The following GPAA1 variants were observed in gnomAD, a reference collection of about 807,000 sequenced individuals.
The protein encoded by GPAA1 is GPI-anchor transamidase component GPAA1.
A neutral mutation model predicts 64.0 loss-of-function variants in GPAA1; 54 were observed. That is an observed-to-expected ratio of 0.84 (90% CI 0.68 to 1.06). GPAA1 has a LOEUF of 1.06. Ranked by LOEUF, GPAA1 falls within the 50% of genes least tolerant of loss-of-function variation. The probability of loss-of-function intolerance (pLI) is 0.00; values close to 1 mark genes in which losing one functional copy is unlikely to be tolerated. For missense variants in GPAA1, 780 were observed against 822.3 expected (o/e 0.95, Z 0.63); for synonymous variants, 393 against 377.3 (o/e 1.04, Z -0.48).
At chr8:144,083,554 T>A in intron 3 of GPAA1, 54 bp downstream of exon 3, 1 of 1,486,966 alleles carries the variant, frequency 6.7e-7, no homozygotes, top group South Asian at 1.1e-5. Flanking sequence ...GAGGGAGGGG[T>A]CTGGGCTGGG....
chr8:144,085,873 T>C lies in GPAA1; in HGVS notation c.1623-9T>C. The C allele has an allele frequency of 6.2e-7, 1 of 1,602,356 alleles. No homozygotes were observed. Reference sequence around the variant, plus strand: ...ATGGAGCCTACCTTGATGTTGCTTCTCCACCCAGGACCCTCTATGCTGCCC... The same window carrying C: ...ATGGAGCCTACCTTGATGTTGCTTCCCCACCCAGGACCCTCTATGCTGCCC... On this transcript the variant is annotated splice_polypyrimidine_tract_variant and intron_variant, in intron 11 of 11. Coordinates refer to ENST00000355091, the MANE Select transcript of GPAA1 (RefSeq NM_003801.4).
In GPAA1 at chr8:144,085,930, C is replaced by A. The variant is rs1451627398; in HGVS notation, c.1671C>A (p.Leu557=). 1.2e-6 allele frequency: 2 copies of A among 1,610,230 alleles called. No homozygotes were observed. Among genetic ancestry groups the A allele is most frequent in the Non-Finnish European group, 1.7e-6 (2 of 1,179,856 alleles). ...LLVLTSPAAT[L]LGSLFLWREL... ...TGCTGACCAGCCCGGCAGCCACGCT[C>A]CTTGGCAGCCTGTTCCTGTGGCGGG... The change falls in exon 12 of 12, where the codon CTC becomes CTA. Residue 557 remains leucine, a synonymous_variant. Coordinates refer to ENST00000355091, the MANE Select transcript of GPAA1 (RefSeq NM_003801.4).
Position 144,085,312 on chromosome 8 carries a change from G to T in GPAA1, c.1284G>T (p.Val428=). The change falls in exon 10 of 12, where the codon GTG becomes GTT. Residue 428 remains valine, a synonymous_variant. Coordinates refer to ENST00000355091, the MANE Select transcript of GPAA1 (RefSeq NM_003801.4). The stretch of plus-strand genomic sequence containing the variant: ...AGGGTGTGGGGCTGGCCTCGCTCGT[G>T]GCACCTCTGCTGATCTCACAGGCCA... ...PSQGVGLASL[V]APLLISQAMG... 6.2e-7 allele frequency: 1 copy of T among 1,606,976 alleles called. No individual in the cohort carries two copies.
chr8:144,085,936 C>T lies in GPAA1; in HGVS notation c.1677C>T (p.Gly559=). The T allele has an allele frequency of 6.2e-7, 1 of 1,610,376 alleles. No homozygotes were observed. Among genetic ancestry groups the T allele is most frequent in the Non-Finnish European group, 8.5e-7 (1 of 1,179,902 alleles). The part of the protein sequence containing the change: ...VLTSPAATLL[G]SLFLWRELQE... ...CCAGCCCGGCAGCCACGCTCCTTGG[C>T]AGCCTGTTCCTGTGGCGGGAGCTGC... Residue 559 remains glycine, a synonymous_variant, in exon 12 of 12, where the codon GGC becomes GGT. Transcript: ENST00000355091.
Position 144,084,412 on chromosome 8 carries a change from G to C in GPAA1, c.814-1G>C. On this transcript the variant is annotated splice_acceptor_variant, in intron 6 of 11. Coordinates refer to ENST00000355091, the MANE Select transcript of GPAA1 (RefSeq NM_003801.4). LOFTEE classifies it high-confidence loss of function. ...TCTCATCCTGTCCTGCACCTCTAAA[G>C]CTGCAGCCCGAGGACTGGACATCAT... The C allele has an allele frequency of 6.2e-7, 1 of 1,611,450 alleles. No individual in the cohort carries two copies. The highest frequency in any genetic ancestry group is 8.5e-7 in the Non-Finnish European group (1 of 1,178,880).
chr8:144,085,848 A>T (rs1449863140), intron 11 of GPAA1, 34 bp from the exon 12 acceptor site: 25 of 1,601,140 alleles, frequency 1.6e-5, no homozygotes, highest in Non-Finnish European at 2.0e-5. Context: ...TGCCCCCACC[A>T]TGGAGCCTAC....
chr8:144,086,213 G>A lies in GPAA1; in HGVS notation c.*88G>A. 2 of 1,428,428 alleles carry A rather than the reference G, an allele frequency of 1.4e-6. No homozygotes were observed. Among genetic ancestry groups the A allele is most frequent in the Admixed American group, 1.8e-5 (1 of 55,974 alleles). The allele number at this position is 1,428,428 out of a possible 1,614,324, so 88.5% of individuals were successfully genotyped here. ...AAATAAATGAGTGTCTGTTTCAGCA[G>A]CTATTTGAGCTCCTGGCCCGCTGTC... On this transcript the variant is annotated 3_prime_UTR_variant, in exon 12 of 12. Transcript: ENST00000355091.
Position 144,083,448 on chromosome 8 carries a change from C to A in GPAA1, c.314C>A (p.Thr105Lys), listed in dbSNP as rs201424010. Residue 105 changes from threonine (T) to lysine (K), a missense_variant, in exon 3 of 12, where the codon ACG becomes AAG. Physicochemically the swap from Thr to Lys is moderately conservative, Grantham distance 78. Transcript: ENST00000355091. ...CGGTCAGTAGGGCTGGAGGTCTACA[C>A]GCAGAGTTTCTCCCGGAAACTGCCC... ...TMRSVGLEVY[T>K]QSFSRKLPFP... The A allele has an allele frequency of 1.6e-5, 26 of 1,613,872 alleles. No homozygotes were observed. The highest frequency in any genetic ancestry group is 2.2e-5 in the Non-Finnish European group (26 of 1,179,962).
intron 11 of GPAA1, 35 bp downstream of exon 11, chr8:144,085,778 T>G: frequency 1.2e-6 from 2 of 1,607,180 alleles, no homozygotes; most frequent in Non-Finnish European, 1.7e-6. Context: ...CCCCAATGCC[T>G]GTGCCCTCAT....
intron 4 of GPAA1, 38 bp from the exon 5 acceptor site, chr8:144,083,901 G>A: frequency 6.2e-7 from 1 of 1,613,650 alleles, no homozygotes; most frequent in Non-Finnish European, 8.5e-7. Flanking sequence ...GGTTTGGTCA[G>A]TGCCCCAGAC....
Position 144,083,150 on chromosome 8 carries a change from C to T in GPAA1, c.101C>T (p.Ala34Val). Residue 34 changes from alanine (A) to valine (V), a missense_variant, in exon 2 of 12, where the codon GCC (alanine) becomes GTC (valine). Ala to Val is a moderately conservative substitution (Grantham distance 64). Transcript: ENST00000355091. ...LCVLSYVAGI[A>V]WFLALVFPPL... ...GTGCTGAGCTACGTGGCGGGCATCGCCTGGTTCTTGGCGCTGGTTTTCCCG... is the reference window on the plus strand; with the variant it reads ...GTGCTGAGCTACGTGGCGGGCATCGTCTGGTTCTTGGCGCTGGTTTTCCCG... The T allele has an allele frequency of 6.2e-7, 1 of 1,612,514 alleles. No homozygotes were observed. Among genetic ancestry groups the T allele is most frequent in the Non-Finnish European group, 8.5e-7 (1 of 1,179,816 alleles).
In GPAA1 at chr8:144,085,691, C is replaced by T. The variant is rs190941382; in HGVS notation, c.1570C>T (p.Leu524=). ...ALTNFSLGFL[L]ATTMVPTAAL... ...CACCAACTTCTCACTGGGCTTCCTG[C>T]TGGCCACCACCATGGTGCCCACTGC... Residue 524 remains leucine (L), a synonymous_variant, in exon 11 of 12, where the codon CTG becomes TTG. Transcript: ENST00000355091. 2.2e-5 allele frequency: 35 copies of T among 1,613,584 alleles called. No homozygotes were observed. In the East Asian group the frequency reaches 6.5e-4, roughly 30 times the overall value.
At chr8:144,082,925 G>A in intron 1 of GPAA1, 121 bp downstream of exon 1, 2 of 917,700 alleles carry the variant, frequency 2.2e-6, no homozygotes, top group South Asian at 4.0e-5. Flanking sequence ...CCGGCTGCTC[G>A]CGCCCTTCCG....
At position 144,084,831 on chromosome 8, in the gene GPAA1, T is replaced by C. The variant is rs1835970526; in HGVS notation, c.1120T>C (p.Tyr374His). ...CTCCCGCTTCGTCTCCATCGGCCTC[T>C]ACATGCCCGCTGTCGGCTTCTTGCT... Reference protein sequence around the residue: ...GLSRFVSIGLYMPAVGFLLLV... With the variant: ...GLSRFVSIGLHMPAVGFLLLV... Residue 374 changes from tyrosine to histidine, a missense_variant, in exon 8 of 12, where the codon TAC becomes CAC. Transcript: ENST00000355091. 6.2e-7 allele frequency: 1 copy of C among 1,613,620 alleles called. No individual in the cohort carries two copies. Among genetic ancestry groups the C allele is most frequent in the South Asian group, 1.1e-5 (1 of 91,094 alleles).
At position 144,082,643 on chromosome 8, in the gene GPAA1, T is replaced by TG; in HGVS notation, c.-88_-87insG. 1 of 655,318 alleles carries TG rather than the reference T, an allele frequency of 1.5e-6. No homozygotes were observed. The highest frequency in any genetic ancestry group is 2.1e-6 in the Non-Finnish European group (1 of 472,746). 40.6% of individuals were successfully genotyped at this position (655,318 alleles called of 1,614,324 possible). On this transcript the variant is annotated 5_prime_UTR_variant, in exon 1 of 12. Transcript: ENST00000355091. ...GACCGGAAGTGCGGGCGAGCGCGGG[T>TG]CCCCGGGTCTGACAGGAGCAGCCTG...
chr8:144,083,900 A>G, intron 4 of GPAA1, 39 bp downstream of exon 4: 1 of 1,612,758 alleles, frequency 6.2e-7, no homozygotes, highest in Non-Finnish European at 8.5e-7. Context: ...GGGTTTGGTC[A>G]GTGCCCCAGA....
In GPAA1 at chr8:144,084,544, G is replaced by A; in HGVS notation, c.945G>A (p.Glu315=). The A allele has an allele frequency of 6.2e-7, 1 of 1,614,048 alleles. No homozygotes were observed. The highest frequency in any genetic ancestry group is 8.5e-7 in the Non-Finnish European group (1 of 1,180,012). Residue 315 remains glutamate (E), a synonymous_variant, in exon 7 of 12, where the codon GAG becomes GAA. Transcript: ENST00000355091. ...SHGLFLRYRV[E]ALTLRGINSF... ...GCCTCTTCCTGCGCTACCGTGTGGAGGCCCTAACCCTGCGTGGCATCAATA... is the reference window on the plus strand; with the variant it reads ...GCCTCTTCCTGCGCTACCGTGTGGAAGCCCTAACCCTGCGTGGCATCAATA...
Position 144,085,388 on chromosome 8 carries a change from C to T in GPAA1, c.1360C>T (p.Gln454Ter). Residue 454 changes from glutamine (Q) to a stop codon, truncating the protein, a stop_gained, in exon 10 of 12, where the codon CAG (glutamine) becomes TAG (stop). Transcript: ENST00000355091. LOFTEE classifies it high-confidence loss of function. The part of the protein sequence containing the change: ...LPVLGQHVAT[Q>*]HFPVAEAEAV... ...AGTGCTGGGCCAACACGTTGCCACC[C>T]AGCACTTCCCAGTGGCAGAGGCTGA... 6.2e-7 allele frequency: 1 copy of T among 1,607,816 alleles called. No individual in the cohort carries two copies. Among genetic ancestry groups the T allele is most frequent in the Non-Finnish European group, 8.5e-7 (1 of 1,179,872 alleles).
chr8:144,084,412 G>T lies in GPAA1; in HGVS notation c.814-1G>T, dbSNP rs782689725. 4.3e-6 allele frequency: 7 copies of T among 1,611,332 alleles called. No homozygotes were observed. The East Asian group carries it at 1.6e-4, about 36-fold the overall frequency. The stretch of plus-strand genomic sequence containing the variant: ...TCTCATCCTGTCCTGCACCTCTAAA[G>T]CTGCAGCCCGAGGACTGGACATCAT... On this transcript the variant is annotated splice_acceptor_variant, in intron 6 of 11. Transcript: ENST00000355091. LOFTEE classifies it high-confidence loss of function.
Sources: allele counts gnomAD v4.1 joint callset, GRCh38; gene constraint gnomAD v4.1.1; transcripts MANE v1.5; gene names NCBI Gene and HGNC (gene_info 2026-07-23, HGNC 2026-07-21).